Variants in CEP128 observed in about 807,000 individuals in gnomAD.
CEP128 encodes the protein centrosomal protein 128kDa.
In CEP128, 132 loss-of-function variants were observed where a neutral mutation model predicts 156.7. The ratio of observed to expected loss-of-function variants is 0.84; its 90% CI spans 0.73 to 0.97. The LOEUF (loss-of-function observed/expected upper bound fraction) is 0.97, where lower values mean the gene tolerates loss of function less well. CEP128 is among the 50% of genes least tolerant of loss of function. CEP128 has a pLI of 0.00. For synonymous variants in CEP128, 469 were observed against 448.9 expected (o/e 1.04, Z -0.57); for missense variants, 1,252 against 1,281.9 (o/e 0.98, Z 0.36).
chr14:80,677,239 G>T (rs1896098525), intron 19 of CEP128, among the ~76,000 whole-genome samples: 1 of 152,152 alleles, frequency 6.6e-6, no homozygotes, highest in Non-Finnish European at 1.5e-5. Context: ...AGGCGTGGTG[G>T]CTGACACCTG....
intron 19 of CEP128, among the ~76,000 whole-genome samples, chr14:80,636,399 C>T (rs979498492): frequency 3.3e-5 from 5 of 152,180 alleles, no homozygotes; most frequent in African/African-American, 9.7e-5. Context: ...AAAGATTCTC[C>T]TCTGTTTCTC....
At chr14:80,689,703 T>C (rs1269810717) in intron 19 of CEP128, among the ~76,000 whole-genome samples, 2 of 152,184 alleles carry the variant, frequency 1.3e-5, no homozygotes, top group African/African-American at 2.4e-5. Context: ...CATATATACA[T>C]AGACGCACAT....
intron 19 of CEP128, among the ~76,000 whole-genome samples, chr14:80,584,929 G>T (rs576588428): frequency 6.6e-6 from 1 of 152,202 alleles, no homozygotes; most frequent in African/African-American, 2.4e-5. Flanking sequence ...TGACATGTTC[G>T]TGTTTTCTTT....
chr14:80,755,705 C>A (rs1899621418), intron 18 of CEP128, among the ~76,000 whole-genome samples: 1 of 152,212 alleles, frequency 6.6e-6, no homozygotes, highest in African/African-American at 2.4e-5. Flanking sequence ...ATCTTATCTT[C>A]AATACTTATA....
chr14:80,640,209 C>A (rs368935544), intron 19 of CEP128, among the ~76,000 whole-genome samples: 40 of 152,104 alleles, frequency 2.6e-4, no homozygotes, highest in African/African-American at 9.7e-4. Flanking sequence ...TCTTTTCTAG[C>A]ACATAAAATA....
At chr14:80,839,739 A>T (rs1306184354) in intron 10 of CEP128, among the ~76,000 whole-genome samples, 3 of 152,172 alleles carry the variant, frequency 2.0e-5, no homozygotes, top group Non-Finnish European at 4.4e-5. Context: ...CCCAATATAT[A>T]ATTTTTTAAA....
upstream of CEP128, among the ~76,000 whole-genome samples, chr14:80,944,551 G>A (rs563975146): frequency 7.9e-5 from 12 of 152,146 alleles, no homozygotes; most frequent in East Asian, 1.5e-3. Flanking sequence ...TGCCAGGTGC[G>A]GTGGCTCACG....
chr14:80,919,115 T>A (rs1157811634), intron 2 of CEP128, among the ~76,000 whole-genome samples: 1 of 152,190 alleles, frequency 6.6e-6, no homozygotes, highest in Non-Finnish European at 1.5e-5. Context: ...GACAATGTGC[T>A]TACTATAATA....
intron 2 of CEP128, among the ~76,000 whole-genome samples, chr14:80,949,187 A>G (rs1053471066): frequency 6.6e-6 from 1 of 152,192 alleles, no homozygotes; most frequent in Admixed American, 6.5e-5. Flanking sequence ...AAGACAGGAA[A>G]CAAATAAAGC....
chr14:80,887,619 A>G (rs569879239), intron 8 of CEP128, among the ~76,000 whole-genome samples: 27 of 152,384 alleles, frequency 1.8e-4, no homozygotes, highest in Non-Finnish European at 3.8e-4. Flanking sequence ...TCTGGGATAC[A>G]GCTAAAGCAG....
chr14:80,956,620 T>C lies in CEP128; in HGVS notation c.-172+1558A>G, dbSNP rs193229373. 2.3e-3 allele frequency among the ~76,000 whole-genome samples: 350 copies of C among 152,222 alleles called. 4 individuals are homozygous for C. Among genetic ancestry groups the C allele is most frequent in the African/African-American group, 8.0e-3 (332 of 41,524 alleles). On this transcript the variant is annotated intron_variant, in intron 2 of 7. Transcript: ENST00000555529. The stretch of plus-strand genomic sequence containing the variant: ...AGGGAATAAAGTCTGTCTTGATTAG[T>C]TAAAAAGAGAACAGAAAGAAAGGAC...
chr14:80,548,462 T>C (rs993091505), intron 21 of CEP128, among the ~76,000 whole-genome samples: 34 of 152,276 alleles, frequency 2.2e-4, no homozygotes, highest in African/African-American at 7.5e-4. Flanking sequence ...TCTTATTTTA[T>C]GGTTAAGTTA....
intron 19 of CEP128, among the ~76,000 whole-genome samples, chr14:80,630,793 C>G (rs922115289): frequency 1.3e-5 from 2 of 151,944 alleles, no homozygotes; most frequent in Admixed American, 6.6e-5. Context: ...AAAGACAAAG[C>G]CATATCTCTG....
intron 10 of CEP128, among the ~76,000 whole-genome samples, chr14:80,839,174 T>C (rs1886232705): frequency 6.6e-6 from 1 of 152,368 alleles, no homozygotes; most frequent in African/African-American, 2.4e-5. Flanking sequence ...AGTTGAAATA[T>C]GTAATAGGAT....
chr14:80,538,637 G>T (rs200520744), intron 21 of CEP128, among the ~76,000 whole-genome samples: 1 of 152,056 alleles, frequency 6.6e-6, no homozygotes, highest in Admixed American at 6.6e-5. Context: ...GGTGCATTTC[G>T]AAGTACATTG....
intron 19 of CEP128, among the ~76,000 whole-genome samples, chr14:80,671,449 C>T (rs1056447252): frequency 4.6e-5 from 7 of 152,148 alleles, no homozygotes; most frequent in African/African-American, 1.7e-4. Context: ...AAAAATATCA[C>T]AAGACAGACA....
chr14:80,941,960 T>G (rs3742720), upstream of CEP128, among the ~76,000 whole-genome samples: 21,807 of 151,948 alleles, frequency 0.14, 2,171 homozygotes, highest in East Asian at 0.47. Context: ...ATTTTTTTTT[T>G]TTGTTAAAGG....
At chr14:80,603,433 A>C (rs1892657030) in intron 19 of CEP128, among the ~76,000 whole-genome samples, 1 of 152,222 alleles carries the variant, frequency 6.6e-6, no homozygotes, top group Admixed American at 6.5e-5. Context: ...TGATAGCTGC[A>C]TGACCTTGTG....
intron 21 of CEP128, among the ~76,000 whole-genome samples, chr14:80,542,564 CA>C (rs1313619095): frequency 2.6e-5 from 4 of 152,082 alleles, no homozygotes; most frequent in Admixed American, 2.6e-4. Context: ...AGATGAGAAC[CA>C]AGTCTTCTGT....
Sources: allele counts gnomAD v4.1 joint callset (sites outside exome capture counted in the v4.1 genomes callset), GRCh38; gene constraint gnomAD v4.1.1; transcripts MANE v1.5; gene names NCBI Gene and HGNC (gene_info 2026-07-23, HGNC 2026-07-21).